Variants in CELF2 observed in about 807,000 individuals in gnomAD.
The protein encoded by CELF2 is CUGBP Elav-like family member 2.
Under a neutral mutation model 62.6 loss-of-function variants are expected in CELF2, and 8 were observed. The observed-to-expected ratio is 0.13, with a 90% CI of 0.07 to 0.23. The LOEUF is 0.23. Among genes scored for constraint, CELF2 ranks in the 10% least tolerant of loss-of-function variants. CELF2 has a pLI of 1.00. For missense variants in CELF2, 333 were observed against 671.0 expected (o/e 0.50, Z 5.56); for synonymous variants, 258 against 250.0 (o/e 1.03, Z -0.30).
At chr10:11,164,438 A>AG (rs2066473608) in intron 1 of CELF2, among the ~76,000 whole-genome samples, 1 of 152,196 alleles carries the variant, frequency 6.6e-6, no homozygotes. Flanking sequence ...AGCGTTGAGG[A>AG]GGACTGATAT....
chr10:10,551,956 T>C, the CELF2 span, among the ~76,000 whole-genome samples: 8 of 152,100 alleles, frequency 5.3e-5, no homozygotes, highest in Non-Finnish European at 1.2e-4. Context: ...GGTGCTTTTT[T>C]TTCTATATTC....
At chr10:11,208,825 G>A (rs917577333) in intron 2 of CELF2, among the ~76,000 whole-genome samples, 3 of 152,184 alleles carry the variant, frequency 2.0e-5, no homozygotes, top group Admixed American at 6.5e-5. Flanking sequence ...GCAGGAGGGG[G>A]TCAGAGAGAA....
the CELF2 span, among the ~76,000 whole-genome samples, chr10:10,771,116 T>C: frequency 6.6e-6 from 1 of 152,214 alleles, no homozygotes; most frequent in Non-Finnish European, 1.5e-5. Context: ...CAATTACTGC[T>C]TTTGCCTGTC....
chr10:11,095,079 T>C lies in CELF2; in HGVS notation c.75-70407T>C, dbSNP rs532330674. On this transcript the variant is annotated intron_variant, in intron 1 of 12. Transcript: ENST00000633077. ...GTCAATCATTCATCCCTTTTAATTA[T>C]ATTTATGTCATTTTTGGTTTTTATT... Among the ~76,000 whole-genome samples the C allele has an allele frequency of 3.3e-5, 5 of 152,312 alleles. No individual in the cohort carries two copies. The South Asian group carries it at 6.2e-4, about 19-fold the overall frequency.
At chr10:10,545,931 C>T in the CELF2 span, among the ~76,000 whole-genome samples, 9 of 152,090 alleles carry the variant, frequency 5.9e-5, no homozygotes, top group Non-Finnish European at 1.0e-4. Context: ...CACCAAGACA[C>T]GTGGGGATAG....
intron 1 of CELF2, among the ~76,000 whole-genome samples, chr10:10,879,274 G>A (rs538836199): frequency 9.2e-5 from 14 of 152,286 alleles, no homozygotes; most frequent in African/African-American, 3.4e-4. Flanking sequence ...GGCTGCTCCT[G>A]TGTCTCCCAG....
the CELF2 span, among the ~76,000 whole-genome samples, chr10:10,483,563 A>G: frequency 6.6e-6 from 1 of 152,178 alleles, no homozygotes; most frequent in Non-Finnish European, 1.5e-5. Flanking sequence ...TATAATATAA[A>G]TCAACCAGTT....
At chr10:10,647,905 G>A in the CELF2 span, among the ~76,000 whole-genome samples, 2 of 152,138 alleles carry the variant, frequency 1.3e-5, no homozygotes, top group African/African-American at 4.8e-5. Context: ...TGTGAAAGAG[G>A]TGAGCTGCTT....
rs115404544 is a variant in CELF2 at position 11,124,271 on chromosome 10, G to C, written c.75-41215G>C. Among the ~76,000 whole-genome samples the C allele has an allele frequency of 1.8e-3, 270 of 152,200 alleles. 1 individual carries two copies. Among genetic ancestry groups the C allele is most frequent in the African/African-American group, 6.2e-3 (258 of 41,514 alleles). ...TGATAATGAAAGATTAGAGATGTGT[G>C]TATACATACATACCTACACACTCAA... On this transcript the variant is annotated intron_variant, in intron 1 of 12. Transcript: ENST00000633077.
intron 1 of CELF2, among the ~76,000 whole-genome samples, chr10:11,007,096 G>A (rs1330246710): frequency 2.6e-5 from 4 of 152,112 alleles, no homozygotes; most frequent in African/African-American, 7.2e-5. Flanking sequence ...ATTCTAATGT[G>A]TTGCTTAATT....
chr10:10,854,337 G>A (rs1338821909), intron 1 of CELF2, among the ~76,000 whole-genome samples: 1 of 152,180 alleles, frequency 6.6e-6, no homozygotes, highest in African/African-American at 2.4e-5. Flanking sequence ...GCAAAGCCAG[G>A]CAGAATGAGA....
chr10:10,939,693 G>C (rs925374767), intron 2 of CELF2, among the ~76,000 whole-genome samples: 1 of 151,508 alleles, frequency 6.6e-6, no homozygotes, highest in Non-Finnish European at 1.5e-5. Flanking sequence ...GGTGGCTCAT[G>C]CCTGTAATCC....
intron 2 of CELF2, among the ~76,000 whole-genome samples, chr10:10,976,628 A>G (rs1476458015): frequency 6.6e-6 from 1 of 152,056 alleles, no homozygotes; most frequent in Admixed American, 6.5e-5. Flanking sequence ...TCAGGTTCCT[A>G]ATCAGTTAAA....
intron 2 of CELF2, among the ~76,000 whole-genome samples, chr10:10,996,118 A>T (rs1430005448): frequency 6.6e-6 from 1 of 152,152 alleles, no homozygotes; most frequent in Non-Finnish European, 1.5e-5. Context: ...ATTTTTTTGG[A>T]GTCCTTATAT....
At chr10:10,771,097 T>G in the CELF2 span, among the ~76,000 whole-genome samples, 2 of 152,134 alleles carry the variant, frequency 1.3e-5, no homozygotes, top group East Asian at 3.8e-4. Flanking sequence ...CATATGTAAT[T>G]GATGTTAGCA....
Position 10,907,285 on chromosome 10 carries a change from A to G in CELF2, c.54-12679A>G, listed in dbSNP as rs117255682. Among the ~76,000 whole-genome samples the G allele has an allele frequency of 6.5e-3, 992 of 152,346 alleles. 6 individuals carry two copies. The highest frequency in any genetic ancestry group is 0.01 in the Non-Finnish European group (714 of 68,038). On this transcript the variant is annotated intron_variant, in intron 1 of 13. Coordinates refer to the CELF2 transcript ENST00000636488. The stretch of plus-strand genomic sequence containing the variant: ...GATGGAATTTTTTAAAGTATGTTTC[A>G]TTGACTATAAATGGCAGATTTGACA...
chr10:10,641,808 T>C, the CELF2 span, among the ~76,000 whole-genome samples: 3 of 152,228 alleles, frequency 2.0e-5, no homozygotes, highest in African/African-American at 7.2e-5. Flanking sequence ...GTGTTTCTCA[T>C]CTCACACCCC....
the CELF2 span, among the ~76,000 whole-genome samples, chr10:10,683,548 A>C: frequency 6.6e-6 from 1 of 152,218 alleles, no homozygotes; most frequent in South Asian, 2.1e-4. Flanking sequence ...GATTACAGAC[A>C]GGCTCATTCT....
At chr10:10,643,300 A>T in the CELF2 span, among the ~76,000 whole-genome samples, 1 of 152,018 alleles carries the variant, frequency 6.6e-6, no homozygotes. Context: ...AGTTGGAGAT[A>T]GTTGAATCAG....
Sources: allele counts gnomAD v4.1 joint callset (sites outside exome capture counted in the v4.1 genomes callset), GRCh38; gene constraint gnomAD v4.1.1; transcripts MANE v1.5; gene names NCBI Gene and HGNC (gene_info 2026-07-23, HGNC 2026-07-21).